Variants in CACNB2 observed in about 807,000 individuals in gnomAD.
CACNB2 encodes calcium voltage-gated channel auxiliary subunit beta 2.
In CACNB2, 42 loss-of-function variants were observed where a neutral mutation model predicts 73.3. The ratio of observed to expected loss-of-function variants is 0.57; its 90% CI spans 0.45 to 0.74. CACNB2 has a LOEUF of 0.74. CACNB2 is among the 30% of genes least tolerant of loss of function. The pLI is 0.00. For missense variants in CACNB2, 940 were observed against 853.0 expected (o/e 1.10, Z -1.27); for synonymous variants, 348 against 310.3 (o/e 1.12, Z -1.28).
chr10:18,220,597 C>A (rs557428916), intron 2 of CACNB2, among the ~76,000 whole-genome samples: 1 of 152,038 alleles, frequency 6.6e-6, no homozygotes, highest in Admixed American at 6.6e-5. Flanking sequence ...AGAGCAGAGG[C>A]CCCCAAACCC....
At position 18,497,006 on chromosome 10, in the gene CACNB2, T is replaced by C. The variant is rs117624222; in HGVS notation, c.334-1349T>C. ...CGGGCAGATCACCCAAGGTCAGGGGTTCGAGACCAGCTTGGCCAACACAGT... is the reference window on the plus strand; with the variant it reads ...CGGGCAGATCACCCAAGGTCAGGGGCTCGAGACCAGCTTGGCCAACACAGT... On this transcript the variant is annotated intron_variant, in intron 3 of 13. Transcript: ENST00000324631. Among the ~76,000 whole-genome samples, 2,156 of 150,046 alleles carry C rather than the reference T, an allele frequency of 0.014. 99 individuals carry two copies. The South Asian group carries it at 0.14, about 10-fold the overall frequency.
At chr10:18,386,698 G>T (rs537388942) in intron 2 of CACNB2, among the ~76,000 whole-genome samples, 1 of 152,044 alleles carries the variant, frequency 6.6e-6, no homozygotes, top group Non-Finnish European at 1.5e-5. Context: ...GAGCCACTGC[G>T]CCCTGCCTTT....
chr10:18,535,895 G>T (rs1384238750), intron 11 of CACNB2, among the ~76,000 whole-genome samples: 1 of 152,068 alleles, frequency 6.6e-6, no homozygotes, highest in Admixed American at 6.5e-5. Context: ...TTTGAGAGCT[G>T]CTAGCATAGA....
chr10:18,471,714 G>A (rs868665046), intron 3 of CACNB2, among the ~76,000 whole-genome samples: 1 of 152,142 alleles, frequency 6.6e-6, no homozygotes, highest in Non-Finnish European at 1.5e-5. Context: ...TGCAAAGTGG[G>A]AATAATAGTA....
Position 18,541,642 on chromosome 10 carries a change from CCT to C in CACNB2, c.*1919_*1920del, listed in dbSNP as rs1485156713. The stretch of plus-strand genomic sequence containing the variant: ...TTGGGAGGCTGAGGAGGGTGGATCA[CCT>C]GAGGTCAGGAGTTCAAGACCAGCCT... On this transcript the variant is annotated 3_prime_UTR_variant, in exon 14 of 14. Transcript: ENST00000324631. 1 of 152,156 alleles carries C rather than the reference CCT, an allele frequency of 6.6e-6. No homozygotes were observed. Among genetic ancestry groups the C allele is most frequent in the Non-Finnish European group, 1.5e-5 (1 of 68,078 alleles). The allele number at this position is 152,156 out of a possible 1,614,324, so 9.4% of individuals were successfully genotyped here. A position where few individuals can be genotyped will look rare whatever the true frequency, so the allele number is the denominator to read the frequency against.
intron 2 of CACNB2, among the ~76,000 whole-genome samples, chr10:18,202,604 T>G (rs1304979014): frequency 6.6e-6 from 1 of 152,216 alleles, no homozygotes; most frequent in African/African-American, 2.4e-5. Flanking sequence ...TGATATAGTT[T>G]AAGGATTTAG....
At chr10:18,335,159 A>G (rs946875150) in intron 2 of CACNB2, among the ~76,000 whole-genome samples, 4 of 151,680 alleles carry the variant, frequency 2.6e-5, no homozygotes, top group Admixed American at 2.6e-4. Context: ...TTGGATATGG[A>G]CTTAACCACT....
At chr10:18,223,293 A>G (rs2035864846) in intron 2 of CACNB2, among the ~76,000 whole-genome samples, 1 of 152,238 alleles carries the variant, frequency 6.6e-6, no homozygotes, top group East Asian at 1.9e-4. Context: ...AATTGGCATA[A>G]ATAATTACAA....
At chr10:18,335,546 A>T (rs1037360277) in intron 2 of CACNB2, among the ~76,000 whole-genome samples, 5 of 152,130 alleles carry the variant, frequency 3.3e-5, no homozygotes, top group African/African-American at 1.2e-4. Context: ...TTGAGCCAAG[A>T]CGCTCTCCAG....
intron 3 of CACNB2, among the ~76,000 whole-genome samples, chr10:18,442,936 A>ATG (rs2046497776): frequency 1.0e-4 from 3 of 29,680 alleles, no homozygotes; most frequent in Non-Finnish European, 1.7e-4. Flanking sequence ...GTATATATAT[A>ATG]TATATGTGTA....
At chr10:18,436,382 A>G (rs1301057668) in intron 3 of CACNB2, among the ~76,000 whole-genome samples, 5 of 152,264 alleles carry the variant, frequency 3.3e-5, no homozygotes, top group Non-Finnish European at 7.3e-5. Flanking sequence ...TTCATGGAGA[A>G]CAAAGCAGAG....
chr10:18,260,681 A>G, intron 2 of CACNB2: 5 of 990,388 alleles, frequency 5.0e-6, no homozygotes, highest in Non-Finnish European at 6.0e-6. Context: ...CCAAAACGTT[A>G]CAGAGGTAAC....
chr10:18,178,929 G>A (rs1019341922), intron 2 of CACNB2, among the ~76,000 whole-genome samples: 9 of 152,290 alleles, frequency 5.9e-5, no homozygotes, highest in African/African-American at 2.2e-4. Flanking sequence ...GGTGGAGGTT[G>A]AGGATAGCTG....
chr10:18,342,536 A>G (rs2041274794), intron 2 of CACNB2, among the ~76,000 whole-genome samples: 1 of 152,186 alleles, frequency 6.6e-6, no homozygotes, highest in Non-Finnish European at 1.5e-5. Context: ...ATCATGGGGA[A>G]TCTGCACAGG....
chr10:18,315,742 G>C (rs1589022757), intron 2 of CACNB2, among the ~76,000 whole-genome samples: 1 of 151,978 alleles, frequency 6.6e-6, no homozygotes, highest in East Asian at 1.9e-4. Flanking sequence ...GTTGGTAAAT[G>C]TTTAATATTC....
chr10:18,189,338 T>C lies in CACNB2; in HGVS notation c.213+38363T>C, dbSNP rs977659318. On this transcript the variant is annotated intron_variant, in intron 2 of 13. Coordinates refer to ENST00000324631, the MANE Select transcript of CACNB2 (RefSeq NM_201596.3). The stretch of plus-strand genomic sequence containing the variant: ...ATTGATGAGAAATTCAAAAATAATA[T>C]AGCAGAAAGTGATAAATGCACAATC... Among the ~76,000 whole-genome samples the C allele has an allele frequency of 3.3e-5, 5 of 152,174 alleles. No homozygotes were observed. In the South Asian group the frequency reaches 8.3e-4, roughly 25 times the overall value.
intron 2 of CACNB2, among the ~76,000 whole-genome samples, chr10:18,401,333 T>G (rs746422386): frequency 6.6e-6 from 1 of 152,134 alleles, no homozygotes; most frequent in Non-Finnish European, 1.5e-5. Flanking sequence ...TTTTATTAAA[T>G]CTAGGTAAAG....
chr10:18,406,683 T>C (rs2044305469), intron 3 of CACNB2, among the ~76,000 whole-genome samples: 1 of 152,224 alleles, frequency 6.6e-6, no homozygotes, highest in Non-Finnish European at 1.5e-5. Flanking sequence ...TGTTTCATTA[T>C]ATACTACAAT....
intron 2 of CACNB2, among the ~76,000 whole-genome samples, chr10:18,248,095 A>G (rs2036938447): frequency 6.6e-6 from 1 of 152,196 alleles, no homozygotes; most frequent in African/African-American, 2.4e-5. Flanking sequence ...AGGGAAATGC[A>G]AAGATTCAGA....
Sources: allele counts gnomAD v4.1 joint callset (sites outside exome capture counted in the v4.1 genomes callset), GRCh38; gene constraint gnomAD v4.1.1; transcripts MANE v1.5; gene names NCBI Gene and HGNC (gene_info 2026-07-23, HGNC 2026-07-21).